The following HTR2C variants were observed in gnomAD, a reference collection of about 807,000 sequenced individuals.
HTR2C encodes the protein 5-hydroxytryptamine receptor 2C, also known as 5-hydroxytryptamine (serotonin) receptor 2C, G protein-coupled.
HTR2C carries 5 observed loss-of-function variants against 21.0 expected under a neutral mutation model. That is an observed-to-expected ratio of 0.24 (90% CI 0.12 to 0.50). The LOEUF is 0.50. HTR2C is among the 20% of genes least tolerant of loss of function. The pLI is 0.98. For synonymous variants in HTR2C, 150 were observed against 145.3 expected, an observed-to-expected ratio of 1.03 and a Z score of -0.23; for missense variants, 271 against 371.2, an observed-to-expected ratio of 0.73 and a Z score of 2.22.
chrX:114,608,088 T>C (rs1928549183), intron 1 of HTR2C, among the ~76,000 whole-genome samples: 1 of 111,860 alleles, frequency 8.9e-6, no homozygotes, highest in South Asian at 3.7e-4. Context: ...TTTATAACAA[T>C]ACAGTCAGTC....
chrX:114,600,289 G>C (rs969564242), intron 1 of HTR2C, among the ~76,000 whole-genome samples: 2 of 111,849 alleles, frequency 1.8e-5, no homozygotes, highest in Non-Finnish European at 3.8e-5. Flanking sequence ...ACAGCCTTAA[G>C]GTTTAAAAAT....
At chrX:114,719,476 AATTT>A (rs1257584499) in intron 2 of HTR2C, among the ~76,000 whole-genome samples, 1 of 111,393 alleles carries the variant, frequency 9.0e-6, no homozygotes, top group Non-Finnish European at 1.9e-5. Context: ...AAGATAACAT[AATTT>A]ATGTTACATA....
intron 4 of HTR2C, among the ~76,000 whole-genome samples, chrX:114,788,286 G>A (rs1382315454): frequency 9.1e-6 from 1 of 110,405 alleles, no homozygotes; most frequent in African/African-American, 3.3e-5. Flanking sequence ...TTGAGATGGA[G>A]TTTCATCCTT....
chrX:114,843,114 A>C (rs1396856859), intron 4 of HTR2C, among the ~76,000 whole-genome samples: 1 of 111,773 alleles, frequency 8.9e-6, no homozygotes, highest in Non-Finnish European at 1.9e-5. Context: ...AACAAAATAG[A>C]ATAGAAACTG....
chrX:114,623,840 T>A (rs913066441), intron 2 of HTR2C, among the ~76,000 whole-genome samples: 4 of 110,072 alleles, frequency 3.6e-5, no homozygotes, highest in Non-Finnish European at 7.6e-5. Flanking sequence ...GTATTATTTA[T>A]AATGCAATTG....
intron 4 of HTR2C, among the ~76,000 whole-genome samples, chrX:114,760,781 C>T (rs781939838): frequency 8.9e-6 from 1 of 111,743 alleles, no homozygotes; most frequent in East Asian, 2.8e-4. Context: ...CCTCGGCCTC[C>T]CAAACTGCTG....
At chrX:114,746,596 G>A (rs1234563109) in intron 4 of HTR2C, among the ~76,000 whole-genome samples, 1 of 111,359 alleles carries the variant, frequency 9.0e-6, no homozygotes, top group Non-Finnish European at 1.9e-5. Context: ...GCTCAGGCCT[G>A]TAATCCCAGC....
intron 5 of HTR2C, among the ~76,000 whole-genome samples, chrX:114,859,130 G>A (rs1372677496): frequency 1.8e-5 from 2 of 110,264 alleles, no homozygotes; most frequent in African/African-American, 6.6e-5. Context: ...TTTCTTTAGT[G>A]GTATCCTTGT....
At chrX:114,778,957 A>AG (rs2070087829) in intron 4 of HTR2C, among the ~76,000 whole-genome samples, 11 of 111,483 alleles carry the variant, frequency 9.9e-5, no homozygotes, top group Admixed American at 7.7e-4. Flanking sequence ...AATGAAGAAT[A>AG]AATATATATA....
At chrX:114,604,724 G>T (rs1376797682) in intron 1 of HTR2C, among the ~76,000 whole-genome samples, 7 of 110,950 alleles carry the variant, frequency 6.3e-5, no homozygotes, top group Non-Finnish European at 1.3e-4. Flanking sequence ...CTGGGCTGCG[G>T]GCATTCCTTG....
chrX:114,702,242 C>A (rs1342772689), intron 2 of HTR2C, among the ~76,000 whole-genome samples: 1 of 107,982 alleles, frequency 9.3e-6, no homozygotes, highest in Non-Finnish European at 1.9e-5. Context: ...AAAAGCAACT[C>A]CAAGACACAT....
chrX:114,830,291 C>G (rs1243125873), intron 4 of HTR2C, among the ~76,000 whole-genome samples: 1 of 111,462 alleles, frequency 9.0e-6, no homozygotes, highest in African/African-American at 3.3e-5. Flanking sequence ...CAGTATTTTT[C>G]TTGGAGGTTT....
chrX:114,634,852 C>G lies in HTR2C; in HGVS notation c.-80+20971C>G, dbSNP rs985008434. Among the ~76,000 whole-genome samples, 9 of 111,569 alleles carry G rather than the reference C, an allele frequency of 8.1e-5. No individual in the cohort carries two copies. In the East Asian group the frequency reaches 2.5e-3, roughly 31 times the overall value. ...AACTAAATAGAATTCTGCAACTTAT[C>G]ATTATTTTTCAGTGATTACTGCTTT... On this transcript the variant is annotated intron_variant, in intron 2 of 5. Transcript: ENST00000276198.
intron 4 of HTR2C, among the ~76,000 whole-genome samples, chrX:114,767,560 T>C (rs995556340): frequency 2.7e-5 from 3 of 109,725 alleles, no homozygotes; most frequent in Non-Finnish European, 5.7e-5. Flanking sequence ...AGGAAAAAGT[T>C]TCTGGATTTA....
intron 4 of HTR2C, among the ~76,000 whole-genome samples, chrX:114,842,895 C>A: frequency 9.0e-6 from 1 of 111,065 alleles, no homozygotes; most frequent in African/African-American, 3.3e-5. Context: ...CCACAGAAGA[C>A]CAAGAAAAAA....
chrX:114,862,256 C>G (rs1328235702), intron 5 of HTR2C, among the ~76,000 whole-genome samples: 3 of 110,560 alleles, frequency 2.7e-5, no homozygotes, highest in African/African-American at 9.8e-5. Flanking sequence ...TCCTATTGGG[C>G]TTTATTGATG....
chrX:114,731,885 C>T (rs1350512168), intron 4 of HTR2C, among the ~76,000 whole-genome samples: 1 of 111,699 alleles, frequency 9.0e-6, no homozygotes, highest in African/African-American at 3.2e-5. Context: ...AGTTGCCTTA[C>T]AATGTACTGA....
At chrX:114,604,304 A>T (rs781901482) in intron 1 of HTR2C, among the ~76,000 whole-genome samples, 13 of 110,260 alleles carry the variant, frequency 1.2e-4, no homozygotes, top group African/African-American at 4.3e-4. Flanking sequence ...GGGGATAACT[A>T]AAAAGGAGTG....
chrX:114,700,706 C>T (rs782106506), intron 2 of HTR2C, among the ~76,000 whole-genome samples: 11 of 112,188 alleles, frequency 9.8e-5, no homozygotes, highest in South Asian at 3.7e-4. Flanking sequence ...AGACAATGGG[C>T]GCAGGACAGT....
Sources: gnomAD v4.1 joint callset for allele counts (sites outside exome capture counted in the v4.1 genomes callset) on GRCh38, gnomAD v4.1.1 for gene constraint, MANE v1.5 for transcripts, NCBI Gene and HGNC (gene_info 2026-07-23, HGNC 2026-07-21) for gene names.